USP20: variants seen among roughly 807,000 people sequenced by gnomAD.
USP20 encodes ubiquitin carboxyl-terminal hydrolase 20.
Under a neutral mutation model 124.2 loss-of-function variants are expected in USP20, and 80 were observed. The observed-to-expected ratio is 0.64, with a 90% CI of 0.54 to 0.78. The LOEUF (loss-of-function observed/expected upper bound fraction) is 0.78. USP20 is among the 30% of genes least tolerant of loss of function. The pLI is 0.00. For synonymous variants in USP20, 481 were observed against 512.3 expected (o/e 0.94, Z 0.83); for missense variants, 1,043 against 1,244.4 (o/e 0.84, Z 2.44).
Position 129,858,467 on chromosome 9 carries a change from G to A in USP20, c.199G>A (p.Ala67Thr), listed in dbSNP as rs1484335334. The A allele has an allele frequency of 3.1e-6, 5 of 1,613,936 alleles. No homozygotes were observed. Among genetic ancestry groups the A allele is most frequent in the African/African-American group, 1.3e-5 (1 of 74,884 alleles). ...FADHSTIHAQAKKHNLTVNLT... is the reference protein window; with the variant it reads ...FADHSTIHAQTKKHNLTVNLT... ...CCTTGTTTTGGATATCACCCTCTAG[G>A]CAAAAAAGCACAACTTGACCGTGAA... is the stretch of plus-strand genomic sequence containing the variant. Residue 67 changes from alanine to threonine, a missense_variant and splice_region_variant, in exon 6 of 26, where the codon GCA (alanine) becomes ACA (threonine). Ala to Thr is a moderately conservative substitution (Grantham distance 58). Coordinates refer to ENST00000372429, the MANE Select transcript of USP20 (RefSeq NM_001110303.4).
chr9:129,860,078 C>T (rs574429061), intron 6 of USP20, among the ~76,000 whole-genome samples: 3 of 151,848 alleles, frequency 2.0e-5, no homozygotes, highest in African/African-American at 7.3e-5. Flanking sequence ...TTCCTGTAAT[C>T]CCAGCACTTT....
intron 9 of USP20, 96 bp from the exon 10 acceptor site, chr9:129,865,207 A>C: frequency 7.4e-7 from 1 of 1,345,590 alleles, no homozygotes. Flanking sequence ...GAAACGCCAC[A>C]CTCTGATCCA....
At chr9:129,869,256 C>A in intron 12 of USP20, 54 bp from the exon 13 acceptor site, 1 of 1,559,844 alleles carries the variant, frequency 6.4e-7, no homozygotes, top group East Asian at 2.3e-5. Flanking sequence ...AGGGCCCGCA[C>A]CTCGCCCCGG....
chr9:129,875,125 C>G lies in USP20; in HGVS notation c.2048+170C>G, dbSNP rs75864528. 5.9e-3 allele frequency among the ~76,000 whole-genome samples: 902 copies of G among 152,302 alleles called. 6 individuals carry two copies. The highest frequency in any genetic ancestry group is 0.024 in the Middle Eastern group (7 of 292). ...TGCTGTGGGGAACCCAGGAAGGCAG[C>G]TTGGAGCCTTCTCCAGGGCCCTGGC... On this transcript the variant is annotated intron_variant, in intron 19 of 25. Transcript: ENST00000372429.
At chr9:129,838,250 C>T (rs913627806) in intron 1 of USP20, among the ~76,000 whole-genome samples, 1 of 152,036 alleles carries the variant, frequency 6.6e-6, no homozygotes, top group Admixed American at 6.6e-5. Flanking sequence ...CCATGTTGGC[C>T]AGGCTGGTCT....
chr9:129,863,316 C>A lies in USP20; in HGVS notation c.611+17C>A, dbSNP rs1318306101. The A allele has an allele frequency of 6.5e-7, 1 of 1,534,262 alleles. No homozygotes were observed. The highest frequency in any genetic ancestry group is 1.2e-5 in the South Asian group (1 of 83,070). ...TAAGAAACGGTGAGCAGCTGCATCC[C>A]TAGCCTTGGGCGGTGTGTGGGGACT... On this transcript the variant is annotated intron_variant, in intron 9 of 25. Transcript: ENST00000372429.
At chr9:129,848,667 A>G (rs1441884169) in intron 1 of USP20, among the ~76,000 whole-genome samples, 5 of 151,868 alleles carry the variant, frequency 3.3e-5, no homozygotes, top group Non-Finnish European at 5.9e-5. Flanking sequence ...AAAAAAAAGA[A>G]TGGGCCAAGT....
intron 7 of USP20, 30 bp from the exon 8 acceptor site, chr9:129,861,513 C>G (rs1279256096): frequency 6.2e-7 from 1 of 1,611,182 alleles, no homozygotes; most frequent in Admixed American, 1.7e-5. Flanking sequence ...GGGTGCTCAC[C>G]TGCTCCTCCC....
At chr9:129,874,498 G>C in intron 17 of USP20, 78 bp from the exon 18 acceptor site, 2 of 1,570,544 alleles carry the variant, frequency 1.3e-6, no homozygotes, top group Non-Finnish European at 8.7e-7. Flanking sequence ...CCCATCAGCT[G>C]TCCTGGGCCC....
chr9:129,874,963 C>G lies in USP20; in HGVS notation c.2048+8C>G, dbSNP rs2034318868. 6.2e-7 allele frequency: 1 copy of G among 1,612,616 alleles called. No homozygotes were observed. Among genetic ancestry groups the G allele is most frequent in the African/African-American group, 1.3e-5 (1 of 74,926 alleles). On this transcript the variant is annotated splice_region_variant and intron_variant, in intron 19 of 25. Transcript: ENST00000372429. Reference sequence around the variant, plus strand: ...CTACGTACTCTTCTACAGGTGGGCGCTGGGCCAGGCCTGGTGGAGGAACCT... The same window carrying G: ...CTACGTACTCTTCTACAGGTGGGCGGTGGGCCAGGCCTGGTGGAGGAACCT...
chr9:129,881,431 G>C lies in USP20; in HGVS notation c.*981G>C, dbSNP rs574443894. On this transcript the variant is annotated 3_prime_UTR_variant, in exon 26 of 26. Transcript: ENST00000372429. ...GCACAGCAAGGCACCAAAGCCCCTG[G>C]AGAAACCGCCAGGGCGAGGTGCGAC... is the stretch of plus-strand genomic sequence containing the variant. 6.6e-6 allele frequency: 1 copy of C among 152,356 alleles called. No individual in the cohort carries two copies. The highest frequency in any genetic ancestry group is 1.9e-4 in the East Asian group (1 of 5,176). The allele number at this position is 152,356 out of a possible 1,614,324, so 9.4% of individuals were successfully genotyped here. A position where few individuals can be genotyped will look rare whatever the true frequency, so the allele number is the denominator to read the frequency against.
chr9:129,835,722 T>A (rs2031770574), intron 1 of USP20: 1 of 152,500 alleles, frequency 6.6e-6, no homozygotes, highest in Non-Finnish European at 1.5e-5. Flanking sequence ...CACTCTGAGC[T>A]CCCTGGGGGC....
intron 21 of USP20, among the ~76,000 whole-genome samples, 191 bp from the exon 22 acceptor site, chr9:129,875,939 C>T (rs1229804081): frequency 8.6e-5 from 1 of 11,632 alleles, no homozygotes. Context: ...AGCCTTGAAG[C>T]AGGACCTCCC....
chr9:129,841,760 T>C (rs554053814), intron 1 of USP20, among the ~76,000 whole-genome samples: 1 of 152,252 alleles, frequency 6.6e-6, no homozygotes, highest in South Asian at 2.1e-4. Context: ...TTTCCTGGCT[T>C]TTTCTTTGAT....
chr9:129,865,550 C>G (rs2033782726), intron 10 of USP20, among the ~76,000 whole-genome samples, 169 bp downstream of exon 10: 2 of 152,246 alleles, frequency 1.3e-5, no homozygotes, highest in African/African-American at 4.8e-5. Flanking sequence ...GACAGTGGAG[C>G]CTCCCAGCAA....
intron 1 of USP20, among the ~76,000 whole-genome samples, chr9:129,843,741 A>G (rs2032373817): frequency 6.6e-6 from 1 of 152,032 alleles, no homozygotes; most frequent in Admixed American, 6.6e-5. Flanking sequence ...TCCATCTCAA[A>G]AAAACAAAAC....
intron 6 of USP20, among the ~76,000 whole-genome samples, chr9:129,859,374 A>G (rs1190048904): frequency 4.0e-5 from 6 of 150,294 alleles, no homozygotes; most frequent in Non-Finnish European, 7.4e-5. Flanking sequence ...CCTGGGTTCA[A>G]CTGATTGTCC....
At position 129,867,924 on chromosome 9, in the gene USP20, C is replaced by T. The variant is rs990353586; in HGVS notation, c.691-81C>T. Reference sequence around the variant, plus strand: ...TGAGGTCCTCCTAGATGGAGGCTGGCGCTCTCATCAGCCACAGGGCGCTGG... The same window carrying T: ...TGAGGTCCTCCTAGATGGAGGCTGGTGCTCTCATCAGCCACAGGGCGCTGG... On this transcript the variant is annotated intron_variant, in intron 10 of 25. Coordinates refer to ENST00000372429, the MANE Select transcript of USP20 (RefSeq NM_001110303.4). The T allele has an allele frequency of 6.0e-5, 89 of 1,494,438 alleles. 1 individual carries two copies. In the South Asian group the frequency reaches 7.8e-4, roughly 13 times the overall value. The allele number at this position is 1,494,438 out of a possible 1,614,324, so 92.6% of individuals were successfully genotyped here.
intron 1 of USP20, among the ~76,000 whole-genome samples, chr9:129,849,093 C>T (rs899224752): frequency 6.6e-6 from 1 of 152,150 alleles, no homozygotes; most frequent in Admixed American, 6.5e-5. Flanking sequence ...CCTGAGGGGC[C>T]TGGTGGCATG....
Sources: allele counts gnomAD v4.1 joint callset (sites outside exome capture counted in the v4.1 genomes callset), GRCh38; gene constraint gnomAD v4.1.1; transcripts MANE v1.5; gene names NCBI Gene and HGNC (gene_info 2026-07-23, HGNC 2026-07-21).